The following RUBCNL variants were observed in gnomAD, a reference collection of about 807,000 sequenced individuals.
RUBCNL encodes the protein rubicon like autophagy enhancer, also known as protein associated with UVRAG as autophagy enhancer.
A neutral mutation model predicts 69.5 loss-of-function variants in RUBCNL; 62 were observed. The observed-to-expected ratio is 0.89, with a 90% CI of 0.73 to 1.10. RUBCNL has a LOEUF of 1.10. Ranked by LOEUF, RUBCNL falls within the 50% of genes least tolerant of loss-of-function variation. The probability of loss-of-function intolerance (pLI) is 0.00; values close to 1 mark genes in which losing one functional copy is unlikely to be tolerated. For missense variants in RUBCNL, 768 were observed against 798.1 expected (o/e 0.96, Z 0.45); for synonymous variants, 291 against 303.6 (o/e 0.96, Z 0.43).
At chr13:46,349,666 T>C (rs565140157) in intron 11 of RUBCNL, among the ~76,000 whole-genome samples, 7 of 151,328 alleles carry the variant, frequency 4.6e-5, no homozygotes, top group Non-Finnish European at 1.0e-4. Context: ...CTCCAAAGTG[T>C]AAGCTTCACT....
In RUBCNL at chr13:46,335,257, G is replaced by GTTT. The variant is rs1199330759; in HGVS notation, c.*8127_*8128insAAA. 5.4e-4 allele frequency among the ~76,000 whole-genome samples: 53 copies of GTTT among 98,598 alleles called. 1 individual carries two copies. The highest frequency in any genetic ancestry group is 1.9e-3 in the African/African-American group (48 of 25,316). 64.7% of individuals were successfully genotyped at this position (98,598 alleles called of 152,430 possible). On this transcript the variant is annotated 3_prime_UTR_variant, in exon 15 of 15. Coordinates refer to ENST00000429979, the MANE Select transcript of RUBCNL (RefSeq NM_025113.5). ...TTTGTGTCTTTTTGTTGTTGTTGTT[G>GTTT]TTGTTTTTTTTTTTTTTTTTTTTTT...
At chr13:46,381,911 C>A (rs1314747175) in intron 1 of RUBCNL, among the ~76,000 whole-genome samples, 8 of 152,126 alleles carry the variant, frequency 5.3e-5, no homozygotes, top group Non-Finnish European at 7.3e-5. Flanking sequence ...CTCTAGTGAT[C>A]CTATTGTCTC....
At chr13:46,344,960 T>TTG (rs3065525) in intron 13 of RUBCNL, 129 bp from the exon 14 acceptor site, 236,881 of 641,888 alleles carry the variant, frequency 0.37, 46,776 homozygotes, top group East Asian at 0.62. Context: ...GAAAAGGATG[T>TTG]TGTTTTGCAG....
intron 5 of RUBCNL, among the ~76,000 whole-genome samples, chr13:46,367,025 G>T (rs1247029652): frequency 1.3e-5 from 2 of 152,156 alleles, no homozygotes; most frequent in Admixed American, 6.5e-5. Flanking sequence ...GGTTAAATCT[G>T]CCAGGAAGCA....
intron 2 of RUBCNL, among the ~76,000 whole-genome samples, chr13:46,373,508 T>G (rs1186327969): frequency 6.6e-6 from 1 of 152,200 alleles, no homozygotes; most frequent in Non-Finnish European, 1.5e-5. Context: ...AAGCTCAGAT[T>G]TTAGCTTTAG....
intron 2 of RUBCNL, among the ~76,000 whole-genome samples, chr13:46,377,546 G>C (rs570237172): frequency 9.5e-4 from 144 of 152,260 alleles, no homozygotes; most frequent in African/African-American, 3.3e-3. Flanking sequence ...TGCAGGTGTG[G>C]GCCACTGTGC....
At position 46,339,836 on chromosome 13, in the gene RUBCNL, G is replaced by A. The variant is rs746978512; in HGVS notation, c.*3549C>T. Among the ~76,000 whole-genome samples, 56 of 151,798 alleles carry A rather than the reference G, an allele frequency of 3.7e-4. No individual in the cohort carries two copies. Among genetic ancestry groups the A allele is most frequent in the Admixed American group, 2.1e-3 (32 of 15,224 alleles). On this transcript the variant is annotated 3_prime_UTR_variant, in exon 15 of 15. Transcript: ENST00000429979. ...ATCGCACCACTGCACTATAGCCTGG[G>A]TGACAGAGCAAGACTCCATTTCAAA...
chr13:46,380,358 G>T (rs911714765), intron 1 of RUBCNL, among the ~76,000 whole-genome samples: 2 of 152,180 alleles, frequency 1.3e-5, no homozygotes, highest in African/African-American at 4.8e-5. Context: ...AAAATTTCAG[G>T]TGTTATTATG....
chr13:46,334,889 G>C lies in RUBCNL; in HGVS notation c.*8496C>G, dbSNP rs1381054960. Reference sequence around the variant, plus strand: ...AAGTGAAAGGATCCAAGTGCTTCTGGCTCTAAATTCTGGATCACTTAGACT... The same window carrying C: ...AAGTGAAAGGATCCAAGTGCTTCTGCCTCTAAATTCTGGATCACTTAGACT... On this transcript the variant is annotated 3_prime_UTR_variant, in exon 15 of 15. Coordinates refer to ENST00000429979, the MANE Select transcript of RUBCNL (RefSeq NM_025113.5). Among the ~76,000 whole-genome samples the C allele has an allele frequency of 1.3e-5, 2 of 152,114 alleles. No homozygotes were observed. Among genetic ancestry groups the C allele is most frequent in the African/African-American group, 4.8e-5 (2 of 41,408 alleles).
intron 7 of RUBCNL, 26 bp downstream of exon 7, chr13:46,362,512 G>A (rs777169454): frequency 3.3e-5 from 52 of 1,563,508 alleles, no homozygotes; most frequent in Non-Finnish European, 4.1e-5. Context: ...AAGGGTCTAT[G>A]TGCACTGTGC....
upstream of RUBCNL, among the ~76,000 whole-genome samples, chr13:46,388,199 C>CAAAAAAAAAAA (rs71074779): frequency 1.5e-5 from 1 of 68,200 alleles, no homozygotes; most frequent in Non-Finnish European, 2.5e-5. Context: ...GCAAGACTGT[C>CAAAAAAAAAAA]AAAAAAAAAA....
At chr13:46,383,364 T>C (rs943353328) in intron 1 of RUBCNL, among the ~76,000 whole-genome samples, 1 of 152,208 alleles carries the variant, frequency 6.6e-6, no homozygotes, top group Non-Finnish European at 1.5e-5. Context: ...CCATCACCTA[T>C]GACAAAACCA....
intron 8 of RUBCNL, 140 bp from the exon 9 acceptor site, chr13:46,359,771 A>G: frequency 1.3e-6 from 1 of 775,058 alleles, no homozygotes; most frequent in African/African-American, 1.8e-5. Context: ...TAAAGGGCAT[A>G]CCAAGAGCCC....
chr13:46,360,015 CTAT>C (rs1325928536), intron 8 of RUBCNL, among the ~76,000 whole-genome samples: 2 of 152,188 alleles, frequency 1.3e-5, no homozygotes, highest in Non-Finnish European at 2.9e-5. Flanking sequence ...AGAAACAGCT[CTAT>C]TAAGACCTTT....
At chr13:46,359,783 C>T (rs563042991) in intron 8 of RUBCNL, among the ~76,000 whole-genome samples, 152 bp from the exon 9 acceptor site, 1 of 152,312 alleles carries the variant, frequency 6.6e-6, no homozygotes, top group South Asian at 2.1e-4. Context: ...CAAGAGCCCT[C>T]CACATCTCTA....
chr13:46,359,370 A>T, intron 9 of RUBCNL, 116 bp downstream of exon 9: 1 of 862,258 alleles, frequency 1.2e-6, no homozygotes, highest in African/African-American at 1.8e-5. Flanking sequence ...CCTAAAACAA[A>T]TTTTCCTGTG....
intron 1 of RUBCNL, among the ~76,000 whole-genome samples, chr13:46,386,718 G>A (rs911074850): frequency 1.3e-5 from 2 of 152,132 alleles, no homozygotes; most frequent in South Asian, 2.1e-4. Context: ...ACATATCCAC[G>A]ACTTTGGCTG....
intron 12 of RUBCNL, among the ~76,000 whole-genome samples, chr13:46,348,471 C>T (rs141550382): frequency 0.011 from 1,626 of 152,234 alleles, 36 homozygotes; most frequent in African/African-American, 0.037. Flanking sequence ...TGTGTCCCCA[C>T]CCAAATCTCA....
chr13:46,362,923 C>CATATATATATATATATATATATATATAT (rs770827606), intron 6 of RUBCNL, among the ~76,000 whole-genome samples, 192 bp downstream of exon 6: 2 of 88,060 alleles, frequency 2.3e-5, no homozygotes, highest in African/African-American at 9.4e-5. Flanking sequence ...ACAAGAACAT[C>CATATATATATATATATATATATATATAT]ATATATATAT....
Sources: allele counts gnomAD v4.1 joint callset (sites outside exome capture counted in the v4.1 genomes callset), GRCh38; gene constraint gnomAD v4.1.1; transcripts MANE v1.5; gene names NCBI Gene and HGNC (gene_info 2026-07-23, HGNC 2026-07-21).